Variants in RGS7 observed in about 807,000 individuals in gnomAD.
RGS7 encodes regulator of G-protein signaling 7.
In RGS7, 27 loss-of-function variants were observed where a neutral mutation model predicts 81.1. That is an observed-to-expected ratio of 0.33 (90% confidence interval 0.25 to 0.46). The LOEUF is 0.46. RGS7 is among the 20% of genes least tolerant of loss of function. The probability of loss-of-function intolerance (pLI) is 1.00; values close to 1 mark genes in which losing one functional copy is unlikely to be tolerated. For missense variants in RGS7, 396 were observed against 607.4 expected (o/e 0.65, Z 3.66); for synonymous variants, 208 against 207.7 (o/e 1.00, Z -0.01).
intron 5 of RGS7, among the ~76,000 whole-genome samples, chr1:240,932,382 C>G (rs1324728966): frequency 6.6e-6 from 1 of 152,118 alleles, no homozygotes; most frequent in Non-Finnish European, 1.5e-5. Flanking sequence ...CCTTATCACC[C>G]CAATCTCACT....
chr1:241,125,673 T>C (rs1272383454), intron 2 of RGS7, among the ~76,000 whole-genome samples: 3 of 152,224 alleles, frequency 2.0e-5, no homozygotes, highest in Non-Finnish European at 2.9e-5. Flanking sequence ...TTTAGATGCA[T>C]AGTAGGTGCT....
chr1:241,182,331 C>G (rs2071691123), intron 2 of RGS7, among the ~76,000 whole-genome samples: 1 of 152,172 alleles, frequency 6.6e-6, no homozygotes, highest in African/African-American at 2.4e-5. Context: ...CCATTTGTCA[C>G]AGCTGTGATA....
intron 4 of RGS7, among the ~76,000 whole-genome samples, chr1:240,942,309 GCTTGAGTA>G (rs1328629353): frequency 2.0e-5 from 3 of 152,134 alleles, no homozygotes; most frequent in Non-Finnish European, 4.4e-5. Context: ...TATAAAAGAG[GCTTGAGTA>G]CTTGAGTGTA....
chr1:241,034,978 T>G (rs1462568081), intron 3 of RGS7, among the ~76,000 whole-genome samples: 2 of 152,120 alleles, frequency 1.3e-5, no homozygotes, highest in Non-Finnish European at 2.9e-5. Flanking sequence ...GTATTTAAGA[T>G]TAATAGATAA....
chr1:241,075,738 A>T (rs1300935293), intron 3 of RGS7, among the ~76,000 whole-genome samples: 2 of 152,188 alleles, frequency 1.3e-5, no homozygotes, highest in African/African-American at 4.8e-5. Context: ...TTTTTCTAAA[A>T]GGAAATTTGT....
At position 240,870,052 on chromosome 1, in the gene RGS7, T is replaced by TA; in HGVS notation, c.450+2dup. On this transcript the variant is annotated splice_region_variant and intron_variant, in intron 7 of 18. Coordinates refer to ENST00000440928, the MANE Select transcript of RGS7 (RefSeq NM_001364886.1). ...TCTTTGCCAGAAGGTCCTTGGTACT[T>TA]ACAGCCTCATAGTCTGCGAGCTCCA... The TA allele has an allele frequency of 1.2e-6, 2 of 1,613,820 alleles. No individual in the cohort carries two copies. Among genetic ancestry groups the TA allele is most frequent in the African/African-American group, 1.3e-5 (1 of 75,042 alleles).
intron 9 of RGS7, among the ~76,000 whole-genome samples, chr1:240,831,915 GCATGAGT>G (rs1407696459): frequency 1.3e-5 from 2 of 152,176 alleles, no homozygotes; most frequent in African/African-American, 4.8e-5. Context: ...GGAATTACAG[GCATGAGT>G]CACTGTGCAT....
At chr1:241,089,149 G>A (rs2502421) in intron 3 of RGS7, among the ~76,000 whole-genome samples, 28,719 of 134,966 alleles carry the variant, frequency 0.21, 4,520 homozygotes, top group African/African-American at 0.44. Flanking sequence ...GGGAAAAGGA[G>A]GGAAAGCATT....
chr1:241,028,664 C>T (rs568810370), intron 3 of RGS7, among the ~76,000 whole-genome samples: 3 of 152,146 alleles, frequency 2.0e-5, no homozygotes, highest in African/African-American at 2.4e-5. Flanking sequence ...TGGAGATCAG[C>T]GAGGGCCCAG....
intron 6 of RGS7, among the ~76,000 whole-genome samples, chr1:240,897,080 TTGTC>T (rs957678926): frequency 2.0e-5 from 3 of 151,802 alleles, no homozygotes; most frequent in African/African-American, 4.8e-5. Flanking sequence ...ATTTGGCTGT[TTGTC>T]TGTTATTGGT....
chr1:241,297,060 T>A (rs890921154), intron 2 of RGS7, among the ~76,000 whole-genome samples: 8 of 152,164 alleles, frequency 5.3e-5, no homozygotes, highest in African/African-American at 1.9e-4. Flanking sequence ...CTTGTTCATG[T>A]CCCTGTTGGC....
At chr1:241,244,885 C>G (rs185518966) in intron 2 of RGS7, among the ~76,000 whole-genome samples, 1 of 146,064 alleles carries the variant, frequency 6.8e-6, no homozygotes, top group African/African-American at 2.5e-5. Flanking sequence ...CATGTTCTCA[C>G]TCATAGGTGG....
intron 2 of RGS7, among the ~76,000 whole-genome samples, chr1:241,138,874 C>T (rs1475191253): frequency 1.3e-5 from 2 of 151,946 alleles, no homozygotes; most frequent in Admixed American, 6.6e-5. Flanking sequence ...TAAACAAACG[C>T]ACCAGGCATT....
chr1:241,101,157 T>A (rs1271855466), intron 2 of RGS7, among the ~76,000 whole-genome samples: 1 of 152,238 alleles, frequency 6.6e-6, no homozygotes, highest in Non-Finnish European at 1.5e-5. Flanking sequence ...CCTACGTGCC[T>A]GTCTTTATGG....
intron 13 of RGS7, 89 bp from the exon 14 acceptor site, chr1:240,812,132 C>T: frequency 1.4e-6 from 2 of 1,405,148 alleles, no homozygotes; most frequent in Non-Finnish European, 2.0e-6. Context: ...ATCATGTGTG[C>T]CTCGAAGTTC....
Position 241,059,469 on chromosome 1 carries a change from TA to T in RGS7, c.175+39196del, listed in dbSNP as rs201930764. 5.9e-4 allele frequency among the ~76,000 whole-genome samples: 90 copies of T among 152,346 alleles called. 2 individuals are homozygous for T. The East Asian group carries it at 0.013, about 21-fold the overall frequency. Reference sequence around the variant, plus strand: ...GGAATGGATAGGAATTTGCAGTACCTAATCAGGGATCCATATTCAGAGATGG... The same window carrying T: ...GGAATGGATAGGAATTTGCAGTACCTATCAGGGATCCATATTCAGAGATGG... On this transcript the variant is annotated intron_variant, in intron 3 of 18. Transcript: ENST00000440928.
intron 3 of RGS7, among the ~76,000 whole-genome samples, chr1:241,077,139 G>C (rs2062849477): frequency 1.3e-5 from 2 of 152,110 alleles, no homozygotes; most frequent in South Asian, 2.1e-4. Context: ...CATAATTTTT[G>C]TAAGAAAAGG....
chr1:241,169,783 T>C (rs535625093), intron 2 of RGS7, among the ~76,000 whole-genome samples: 1 of 152,332 alleles, frequency 6.6e-6, no homozygotes, highest in South Asian at 2.1e-4. Context: ...TCAATTGTGT[T>C]TCATATATGT....
At chr1:240,864,607 T>C (rs147189137) in intron 9 of RGS7, among the ~76,000 whole-genome samples, 38 of 152,184 alleles carry the variant, frequency 2.5e-4, no homozygotes, top group African/African-American at 8.7e-4. Context: ...CATTCCAGAA[T>C]AAAGGCTTAA....
Sources: gnomAD v4.1 joint callset for allele counts (sites outside exome capture counted in the v4.1 genomes callset) on GRCh38, gnomAD v4.1.1 for gene constraint, MANE v1.5 for transcripts, NCBI Gene and HGNC (gene_info 2026-07-23, HGNC 2026-07-21) for gene names.